The following EYS variants were observed in gnomAD, a reference collection of about 807,000 sequenced individuals.
EYS encodes EGF-like photoreceptor maintenance factor, also known as protein eyes shut homolog.
Under a neutral mutation model 282.1 loss-of-function variants are expected in EYS, and 250 were observed. That is an observed-to-expected ratio of 0.89 (90% CI 0.80 to 0.98). The LOEUF (loss-of-function observed/expected upper bound fraction) is 0.98, where lower values mean the gene tolerates loss of function less well. Among genes scored for constraint, EYS ranks in the 50% least tolerant of loss-of-function variants. The pLI is 0.00. For synonymous variants in EYS, 1,355 were observed against 1,282.9 expected, an observed-to-expected ratio of 1.06 and a Z score of -1.20; for missense variants, 4,016 against 3,709.0, an observed-to-expected ratio of 1.08 and a Z score of -2.15.
chr6:64,511,238 CAT>C lies in EYS; in HGVS notation c.5645-71888_5645-71887del, dbSNP rs971606330. Among the ~76,000 whole-genome samples, 364 of 143,286 alleles carry C rather than the reference CAT, an allele frequency of 2.5e-3. 6 individuals are homozygous for C. The highest frequency in any genetic ancestry group is 0.021 in the Admixed American group (298 of 14,420). 94.0% of individuals were successfully genotyped at this position (143,286 alleles called of 152,430 possible). On this transcript the variant is annotated intron_variant, in intron 26 of 42. Transcript: ENST00000503581. The stretch of plus-strand genomic sequence containing the variant: ...ACTCTCTCTCTACATATATATATAT[CAT>C]ATATATATATGATATATATATCATA...
intron 12 of EYS, among the ~76,000 whole-genome samples, chr6:65,115,333 T>C (rs886538011): frequency 1.8e-4 from 27 of 152,118 alleles, no homozygotes; most frequent in African/African-American, 5.5e-4. Flanking sequence ...TCCATGTTCA[T>C]CTTTATCACT....
chr6:64,943,358 A>G (rs1280037557), intron 15 of EYS, among the ~76,000 whole-genome samples: 1 of 152,082 alleles, frequency 6.6e-6, no homozygotes, highest in Non-Finnish European at 1.5e-5. Context: ...CTATCAGGCA[A>G]GAGAAATAAA....
chr6:65,616,263 T>C lies in EYS; in HGVS notation c.-333+23515A>G, dbSNP rs1043767038. ...GTTTCTGCTCTGTGAGTTTCTTCAC[T>C]AATTCTTGTGTTTAAGTTTTCTGAG... On this transcript the variant is annotated intron_variant, in intron 2 of 42. Coordinates refer to ENST00000503581, the MANE Select transcript of EYS (RefSeq NM_001142800.2). Among the ~76,000 whole-genome samples, 6 of 152,346 alleles carry C rather than the reference T, an allele frequency of 3.9e-5. No individual in the cohort carries two copies. In the East Asian group the frequency reaches 9.7e-4, roughly 25 times the overall value.
chr6:64,356,132 G>T (rs2150406072), intron 29 of EYS, among the ~76,000 whole-genome samples: 1 of 151,344 alleles, frequency 6.6e-6, no homozygotes, highest in East Asian at 2.0e-4. Context: ...ACATGTGGGG[G>T]GCTTGGAATT....
At chr6:64,066,772 C>T (rs1771386443) in intron 32 of EYS, among the ~76,000 whole-genome samples, 1 of 152,022 alleles carries the variant, frequency 6.6e-6, no homozygotes, top group Non-Finnish European at 1.5e-5. Flanking sequence ...AAACCTGTTT[C>T]CCCATATGTT....
At chr6:64,588,873 ATGT>A (rs1766312313) in intron 26 of EYS, among the ~76,000 whole-genome samples, 3 of 152,044 alleles carry the variant, frequency 2.0e-5, no homozygotes, top group African/African-American at 4.8e-5. Context: ...AGATTAGGAG[ATGT>A]AGGTGAGGTC....
intron 36 of EYS, among the ~76,000 whole-genome samples, chr6:63,841,978 G>A (rs968516450): frequency 6.6e-6 from 1 of 152,102 alleles, no homozygotes; most frequent in Non-Finnish European, 1.5e-5. Context: ...CCATGTATAT[G>A]TGCCACATTT....
chr6:64,699,135 G>A (rs1583055100), intron 22 of EYS, among the ~76,000 whole-genome samples: 1 of 152,246 alleles, frequency 6.6e-6, no homozygotes, highest in East Asian at 1.9e-4. Flanking sequence ...AGAATATTAT[G>A]CAGCCATAAA....
intron 41 of EYS, among the ~76,000 whole-genome samples, chr6:63,758,657 C>A (rs1389729571): frequency 1.3e-5 from 2 of 152,050 alleles, no homozygotes; most frequent in Non-Finnish European, 2.9e-5. Flanking sequence ...AAGAACACGG[C>A]ACTAGAAGGC....
At chr6:63,957,883 A>G (rs1427844994) in intron 35 of EYS, among the ~76,000 whole-genome samples, 1 of 141,000 alleles carries the variant, frequency 7.1e-6, no homozygotes, top group Non-Finnish European at 1.6e-5. Context: ...CATCATATTG[A>G]CAACATACAT....
chr6:64,424,720 T>G (rs1774348330), intron 28 of EYS, among the ~76,000 whole-genome samples: 1 of 152,204 alleles, frequency 6.6e-6, no homozygotes, highest in South Asian at 2.1e-4. Flanking sequence ...ATCAACAAGT[T>G]ATGCCCCAGT....
At chr6:64,342,605 A>G (rs1771168654) in intron 29 of EYS, among the ~76,000 whole-genome samples, 1 of 152,062 alleles carries the variant, frequency 6.6e-6, no homozygotes, top group Admixed American at 6.6e-5. Flanking sequence ...CAGCCACTGC[A>G]GAAACATGCC....
At chr6:64,206,731 A>C (rs1765620011) in intron 31 of EYS, among the ~76,000 whole-genome samples, 1 of 152,188 alleles carries the variant, frequency 6.6e-6, no homozygotes, top group Non-Finnish European at 1.5e-5. Flanking sequence ...TGATTGTGGC[A>C]ACTCAGATTA....
chr6:65,516,658 T>C (rs1319284173), intron 2 of EYS, among the ~76,000 whole-genome samples: 2 of 152,100 alleles, frequency 1.3e-5, no homozygotes, highest in Admixed American at 6.6e-5. Flanking sequence ...TTTGTATGTT[T>C]TATTCTTTTA....
chr6:65,357,519 G>C (rs1764534177), intron 8 of EYS, among the ~76,000 whole-genome samples: 1 of 151,886 alleles, frequency 6.6e-6, no homozygotes, highest in Admixed American at 6.6e-5. Context: ...TACCACAGCT[G>C]TTTTTATTGA....
chr6:65,159,709 TACTC>T (rs1764807771), intron 12 of EYS, among the ~76,000 whole-genome samples: 1 of 150,874 alleles, frequency 6.6e-6, no homozygotes, highest in Non-Finnish European at 1.5e-5. Context: ...ATCTACTCTA[TACTC>T]ACTCATATTA....
Position 65,001,651 on chromosome 6 carries a change from T to C in EYS, c.2138-3948A>G, listed in dbSNP as rs911110185. ...GGATGCGGCCTTTGCCAGGGCATCT[T>C]GTACCTTCTTCTACCCAGTATTTCC... On this transcript the variant is annotated intron_variant, in intron 13 of 42. Transcript: ENST00000503581. Among the ~76,000 whole-genome samples, 3 of 148,014 alleles carry C rather than the reference T, an allele frequency of 2.0e-5. 1 individual carries two copies. The highest frequency in any genetic ancestry group is 4.5e-5 in the Non-Finnish European group (3 of 66,094).
At chr6:64,651,128 T>C (rs980402348) in intron 22 of EYS, among the ~76,000 whole-genome samples, 2 of 152,082 alleles carry the variant, frequency 1.3e-5, no homozygotes, top group Admixed American at 6.6e-5. Context: ...TTGGTTTCAA[T>C]GTCTTTCTAA....
chr6:64,634,724 GA>G (rs1445353567), intron 22 of EYS, among the ~76,000 whole-genome samples: 1 of 152,036 alleles, frequency 6.6e-6, no homozygotes, highest in Non-Finnish European at 1.5e-5. Flanking sequence ...AAACATCTAA[GA>G]AAAAATGAAG....
Sources: allele counts gnomAD v4.1 joint callset (sites outside exome capture counted in the v4.1 genomes callset), GRCh38; gene constraint gnomAD v4.1.1; transcripts MANE v1.5; gene names NCBI Gene and HGNC (gene_info 2026-07-23, HGNC 2026-07-21).